The following SIAH3 variants were observed in gnomAD, a reference collection of about 807,000 sequenced individuals.
SIAH3 encodes seven in absentia homolog 3.
SIAH3 carries 9 observed loss-of-function variants against 12.6 expected under a neutral mutation model. The observed-to-expected ratio is 0.72, with a 90% CI of 0.43 to 1.25. The LOEUF is 1.25. Among genes scored for constraint, SIAH3 ranks in the 50% most tolerant of loss-of-function variants. SIAH3 has a pLI of 0.00. For synonymous variants in SIAH3, 154 were observed against 151.1 expected (o/e 1.02, Z -0.14); for missense variants, 390 against 365.4 (o/e 1.07, Z -0.55).
chr13:45,817,305 T>C (rs1950638067), intron 1 of SIAH3, among the ~76,000 whole-genome samples: 1 of 152,256 alleles, frequency 6.6e-6, no homozygotes, highest in Admixed American at 6.5e-5. Context: ...TGTGCAGGTT[T>C]GTAACCTAGG....
intron 1 of SIAH3, among the ~76,000 whole-genome samples, chr13:45,848,218 G>A (rs945130449): frequency 6.6e-6 from 1 of 152,168 alleles, no homozygotes; most frequent in Non-Finnish European, 1.5e-5. Flanking sequence ...CTCCTTGACG[G>A]TCACTTTTCA....
chr13:45,807,887 C>T (rs1431842838), intron 1 of SIAH3, among the ~76,000 whole-genome samples: 1 of 152,166 alleles, frequency 6.6e-6, no homozygotes, highest in Non-Finnish European at 1.5e-5. Context: ...TAAAATTAAA[C>T]AAACAGAATT....
chr13:45,781,859 T>C lies in SIAH3; in HGVS notation c.*1524A>G, dbSNP rs7990032. On this transcript the variant is annotated 3_prime_UTR_variant, in exon 2 of 2. Transcript: ENST00000400405. Reference sequence around the variant, plus strand: ...GCCTGAGACTAAGTAGTCACTTGGATGCCTGCCAGGACCAAGCCGAGGGGG... The same window carrying C: ...GCCTGAGACTAAGTAGTCACTTGGACGCCTGCCAGGACCAAGCCGAGGGGG... 0.37 allele frequency: 55,994 copies of C among 151,978 alleles called. 10,736 individuals are homozygous for C. Among genetic ancestry groups the C allele is most frequent in the Non-Finnish European group, 0.44 (29,747 of 67,982 alleles). The allele number at this position is 151,978 out of a possible 1,614,324, so 9.4% of individuals were successfully genotyped here. A position where few individuals can be genotyped will look rare whatever the true frequency, so the allele number is the denominator to read the frequency against.
At chr13:45,836,899 C>T (rs1434803603) in intron 1 of SIAH3, among the ~76,000 whole-genome samples, 1 of 152,236 alleles carries the variant, frequency 6.6e-6, no homozygotes, top group Non-Finnish European at 1.5e-5. Flanking sequence ...ACTTTGCAGA[C>T]ATCACATCTT....
intron 1 of SIAH3, among the ~76,000 whole-genome samples, chr13:45,797,058 T>C (rs950470885): frequency 3.4e-4 from 52 of 152,240 alleles, no homozygotes; most frequent in African/African-American, 1.2e-3. Context: ...TTATAGTCAC[T>C]GAGTATCTCT....
chr13:45,817,276 G>A (rs77942611), intron 1 of SIAH3, among the ~76,000 whole-genome samples: 2,743 of 152,302 alleles, frequency 0.018, 89 homozygotes, highest in African/African-American at 0.062. Flanking sequence ...TGCCTACAAT[G>A]TTCAATATAG....
chr13:45,783,280 A>AG lies in SIAH3; in HGVS notation c.*102_*103insC. 2.5e-6 allele frequency: 2 copies of AG among 812,424 alleles called. No individual in the cohort carries two copies. Among genetic ancestry groups the AG allele is most frequent in the Non-Finnish European group, 3.5e-6 (2 of 570,022 alleles). The allele number at this position is 812,424 out of a possible 1,614,324, so 50.3% of individuals were successfully genotyped here. A position where few individuals can be genotyped will look rare whatever the true frequency, so the allele number is the denominator to read the frequency against. ...ATAATAATTAAAAATTAAAAAAAAA[A>AG]AAAAGAAAGGAGAAGAATAAAAAGG... On this transcript the variant is annotated 3_prime_UTR_variant, in exon 2 of 2. Coordinates refer to ENST00000400405, the MANE Select transcript of SIAH3 (RefSeq NM_198849.3).
intron 1 of SIAH3, among the ~76,000 whole-genome samples, chr13:45,790,978 T>G (rs1258980280): frequency 3.9e-5 from 6 of 152,038 alleles, no homozygotes; most frequent in Admixed American, 3.3e-4. Flanking sequence ...GCCCAGGAAT[T>G]TGAGATCAGC....
rs757396932 is a variant in SIAH3 at position 45,783,933 on chromosome 13, G to A, written c.260C>T (p.Pro87Leu). 4 of 1,608,752 alleles carry A rather than the reference G, an allele frequency of 2.5e-6. No homozygotes were observed. The highest frequency in any genetic ancestry group is 1.7e-5 in the Admixed American group (1 of 59,834). The change falls in exon 2 of 2, where the codon CCC becomes CTC. Residue 87 changes from proline (P) to leucine (L), a missense_variant. Transcript: ENST00000400405. Reference sequence around the variant, plus strand: ...CGCCTCCTGGTGGTGAAGGTGGTGGGGGTGGGCGTGGTGGCGGAGGTGGTG... The same window carrying A: ...CGCCTCCTGGTGGTGAAGGTGGTGGAGGTGGGCGTGGTGGCGGAGGTGGTG... ...HHHHLRHHAH[P>L]HHLHHQEAGL... is the part of the protein sequence containing the mutation.
chr13:45,786,758 C>G (rs148453858), intron 1 of SIAH3, among the ~76,000 whole-genome samples: 3 of 152,152 alleles, frequency 2.0e-5, no homozygotes, highest in African/African-American at 7.2e-5. Context: ...CTTTCACACA[C>G]GAGCAGCAAT....
At chr13:45,816,386 AAC>A (rs1470799278) in intron 1 of SIAH3, among the ~76,000 whole-genome samples, 2 of 152,204 alleles carry the variant, frequency 1.3e-5, no homozygotes, top group Non-Finnish European at 2.9e-5. Context: ...TATCCAGAAA[AAC>A]ACAGCAATAT....
Position 45,783,316 on chromosome 13 carries a change from C to T in SIAH3, c.*67G>A. The T allele has an allele frequency of 2.3e-6, 3 of 1,297,758 alleles. No homozygotes were observed. Among genetic ancestry groups the T allele is most frequent in the Non-Finnish European group, 3.2e-6 (3 of 940,052 alleles). 80.4% of individuals were successfully genotyped at this position (1,297,758 alleles called of 1,614,324 possible). A position where few individuals can be genotyped will look rare whatever the true frequency, so the allele number is the denominator to read the frequency against. On this transcript the variant is annotated 3_prime_UTR_variant, in exon 2 of 2. Transcript: ENST00000400405. Reference sequence around the variant, plus strand: ...AGAAGAATAAAAAGGAGTCTGGAGTCCTGGTATTGGGAGGTCCCAGGCGTT... The same window carrying T: ...AGAAGAATAAAAAGGAGTCTGGAGTTCTGGTATTGGGAGGTCCCAGGCGTT...
intron 1 of SIAH3, among the ~76,000 whole-genome samples, chr13:45,789,412 CTATCTAT>C: frequency 7.3e-6 from 1 of 136,486 alleles, no homozygotes; most frequent in Non-Finnish European, 1.7e-5. Context: ...ATCTATCTAT[CTATCTAT>C]ATGTTGAGAC....
chr13:45,804,596 C>T (rs1276635080), intron 1 of SIAH3, among the ~76,000 whole-genome samples: 7 of 151,976 alleles, frequency 4.6e-5, no homozygotes, highest in Non-Finnish European at 8.8e-5. Flanking sequence ...TATGACAAAC[C>T]CACAGCCAAC....
intron 1 of SIAH3, among the ~76,000 whole-genome samples, chr13:45,793,727 A>T (rs533746744): frequency 6.6e-6 from 1 of 152,334 alleles, no homozygotes; most frequent in East Asian, 1.9e-4. Flanking sequence ...TCTCTGGGCT[A>T]CACAATAGCC....
chr13:45,820,638 C>T (rs1950652489), intron 1 of SIAH3, among the ~76,000 whole-genome samples: 1 of 152,136 alleles, frequency 6.6e-6, no homozygotes, highest in South Asian at 2.1e-4. Flanking sequence ...CTCCAGCCCT[C>T]CTCCCACCAC....
intron 1 of SIAH3, among the ~76,000 whole-genome samples, chr13:45,800,098 A>G (rs968532596): frequency 2.6e-5 from 4 of 152,232 alleles, no homozygotes; most frequent in Admixed American, 2.6e-4. Context: ...CCTGCATAGT[A>G]TAAAGAAAAG....
chr13:45,794,025 C>G (rs138871337), intron 1 of SIAH3, among the ~76,000 whole-genome samples: 1 of 152,064 alleles, frequency 6.6e-6, no homozygotes, highest in African/African-American at 2.4e-5. Flanking sequence ...ACACCTGGAC[C>G]CACTGGAACT....
chr13:45,819,284 T>C (rs1950646580), intron 1 of SIAH3, among the ~76,000 whole-genome samples: 1 of 152,180 alleles, frequency 6.6e-6, no homozygotes, highest in African/African-American at 2.4e-5. Context: ...TTGTTTTTGA[T>C]TGTTTTGTTG....
Sources: gnomAD v4.1 joint callset for allele counts (sites outside exome capture counted in the v4.1 genomes callset) on GRCh38, gnomAD v4.1.1 for gene constraint, MANE v1.5 for transcripts, NCBI Gene and HGNC (gene_info 2026-07-23, HGNC 2026-07-21) for gene names.